NALF1: variants seen among roughly 807,000 people sequenced by gnomAD.
NALF1 encodes the protein family with sequence similarity 155 member A.
In NALF1, 3 loss-of-function variants were observed where a neutral mutation model predicts 48.4. The observed-to-expected ratio is 0.06, with a 90% confidence interval of 0.03 to 0.16. NALF1 has a LOEUF of 0.16. NALF1 is among the 10% of genes least tolerant of loss of function. The probability of loss-of-function intolerance (pLI) is 1.00; values close to 1 mark genes in which losing one functional copy is unlikely to be tolerated. For synonymous variants in NALF1, 262 were observed against 245.7 expected, an observed-to-expected ratio of 1.07 and a Z score of -0.62; for missense variants, 526 against 571.5, an observed-to-expected ratio of 0.92 and a Z score of 0.81.
chr13:107,373,229 G>A (rs1028900073), intron 1 of NALF1, among the ~76,000 whole-genome samples: 22 of 152,108 alleles, frequency 1.4e-4, no homozygotes, highest in Non-Finnish European at 2.8e-4. Context: ...TAACAGGAAC[G>A]TCATATTTTA....
chr13:107,236,771 G>A (rs1268025367), intron 1 of NALF1, among the ~76,000 whole-genome samples: 2 of 151,248 alleles, frequency 1.3e-5, no homozygotes, highest in Admixed American at 6.6e-5. Context: ...TGTGAATTCT[G>A]CATCCATGGA....
chr13:107,428,073 GA>G (rs1884309786), intron 1 of NALF1, among the ~76,000 whole-genome samples: 1 of 152,122 alleles, frequency 6.6e-6, no homozygotes, highest in Non-Finnish European at 1.5e-5. Context: ...AGATCTCTTC[GA>G]AAAGAGGGAG....
intron 1 of NALF1, among the ~76,000 whole-genome samples, chr13:107,730,791 G>A (rs1361540964): frequency 6.6e-6 from 1 of 152,202 alleles, no homozygotes; most frequent in Admixed American, 6.5e-5. Flanking sequence ...GAATAAATGA[G>A]TAACAGTCTC....
At chr13:107,450,390 G>C (rs1167979939) in intron 1 of NALF1, among the ~76,000 whole-genome samples, 1 of 152,146 alleles carries the variant, frequency 6.6e-6, no homozygotes, top group Admixed American at 6.5e-5. Context: ...GAGTGGTCAG[G>C]GCTGAAAAGA....
At chr13:107,368,185 A>G (rs1239256364) in intron 1 of NALF1, among the ~76,000 whole-genome samples, 1 of 152,206 alleles carries the variant, frequency 6.6e-6, no homozygotes, top group Admixed American at 6.5e-5. Flanking sequence ...TAAAAGTTAT[A>G]ACACCAATAT....
At chr13:107,241,525 C>T (rs533400100) in intron 1 of NALF1, among the ~76,000 whole-genome samples, 6 of 152,318 alleles carry the variant, frequency 3.9e-5, no homozygotes, top group Non-Finnish European at 5.9e-5. Context: ...ACCACGAGCA[C>T]GTTCCTTAAA....
chr13:107,268,520 A>T (rs1881090550), intron 1 of NALF1, among the ~76,000 whole-genome samples: 1 of 152,180 alleles, frequency 6.6e-6, no homozygotes. Context: ...GGTTGTGATA[A>T]TTGTACTATA....
At chr13:107,201,162 A>G (rs1164682037) in intron 2 of NALF1, among the ~76,000 whole-genome samples, 1 of 138,534 alleles carries the variant, frequency 7.2e-6, no homozygotes, top group African/African-American at 2.9e-5. Flanking sequence ...CTATCTATCT[A>G]TCTATCATCT....
At chr13:107,710,933 A>G (rs1875571849) in intron 1 of NALF1, among the ~76,000 whole-genome samples, 1 of 151,766 alleles carries the variant, frequency 6.6e-6, no homozygotes, top group South Asian at 2.1e-4. Context: ...ACAAACATAT[A>G]TATACACACA....
chr13:107,717,104 C>T (rs1376764107), intron 1 of NALF1, among the ~76,000 whole-genome samples: 1 of 152,194 alleles, frequency 6.6e-6, no homozygotes, highest in Admixed American at 6.5e-5. Context: ...CATGTCAATG[C>T]TTCCTCTCTT....
intron 2 of NALF1, among the ~76,000 whole-genome samples, chr13:107,183,974 C>CT (rs796480096): frequency 0.023 from 3,376 of 147,212 alleles, 121 homozygotes; most frequent in African/African-American, 0.078. Context: ...TTTTCTTTTT[C>CT]TTTTTTTTTT....
At chr13:107,235,276 A>C (rs1880318014) in intron 1 of NALF1, among the ~76,000 whole-genome samples, 1 of 152,192 alleles carries the variant, frequency 6.6e-6, no homozygotes, top group Admixed American at 6.5e-5. Flanking sequence ...TGTGCTAATA[A>C]TTGCCTCTAT....
At chr13:107,303,865 T>C (rs1881885187) in intron 1 of NALF1, among the ~76,000 whole-genome samples, 1 of 152,200 alleles carries the variant, frequency 6.6e-6, no homozygotes. Flanking sequence ...GTCTAAATAC[T>C]ACTGTATTTT....
At chr13:107,350,459 G>C (rs898316249) in intron 1 of NALF1, among the ~76,000 whole-genome samples, 1 of 152,186 alleles carries the variant, frequency 6.6e-6, no homozygotes, top group Non-Finnish European at 1.5e-5. Context: ...TAAACCCGTT[G>C]CTAGTCCTCT....
intron 1 of NALF1, among the ~76,000 whole-genome samples, chr13:107,376,435 C>A (rs929019650): frequency 7.9e-5 from 12 of 152,152 alleles, no homozygotes; most frequent in African/African-American, 2.9e-4. Context: ...TATGTTGCTT[C>A]CCCCTGGACT....
intron 1 of NALF1, among the ~76,000 whole-genome samples, chr13:107,661,022 C>T (rs994039799): frequency 6.6e-6 from 1 of 152,084 alleles, no homozygotes; most frequent in Non-Finnish European, 1.5e-5. Flanking sequence ...GGAAAAAATC[C>T]GTAAGTTGAA....
chr13:107,192,284 C>T (rs892608782), intron 2 of NALF1, among the ~76,000 whole-genome samples: 1 of 152,170 alleles, frequency 6.6e-6, no homozygotes, highest in Non-Finnish European at 1.5e-5. Flanking sequence ...CTGACCCAAA[C>T]GACGGATGAA....
intron 1 of NALF1, among the ~76,000 whole-genome samples, chr13:107,771,663 G>C (rs1447743696): frequency 1.3e-5 from 2 of 152,006 alleles, no homozygotes; most frequent in Admixed American, 1.3e-4. Context: ...TACTGTTAAG[G>C]GAACAAATTA....
intron 1 of NALF1, among the ~76,000 whole-genome samples, chr13:107,826,403 G>C (rs959434736): frequency 6.6e-6 from 1 of 152,132 alleles, no homozygotes; most frequent in African/African-American, 2.4e-5. Flanking sequence ...CACAGTTCAA[G>C]AGCTGCCAAG....
Sources: allele counts gnomAD v4.1 joint callset (sites outside exome capture counted in the v4.1 genomes callset), GRCh38; gene constraint gnomAD v4.1.1; transcripts MANE v1.5; gene names NCBI Gene and HGNC (gene_info 2026-07-23, HGNC 2026-07-21).